The following UBTD2 variants were observed in gnomAD, a reference collection of about 807,000 sequenced individuals.
The protein encoded by UBTD2 is ubiquitin domain-containing protein 2.
Under a neutral mutation model 19.8 loss-of-function variants are expected in UBTD2, and 9 were observed. The ratio of observed to expected loss-of-function variants is 0.46; its 90% confidence interval spans 0.27 to 0.79. The LOEUF (loss-of-function observed/expected upper bound fraction) is 0.79, where lower values mean the gene tolerates loss of function less well. UBTD2 is among the 30% of genes least tolerant of loss of function. The probability of loss-of-function intolerance (pLI) is 0.14; values close to 1 mark genes in which losing one functional copy is unlikely to be tolerated. For missense variants in UBTD2, 250 were observed against 300.4 expected, an observed-to-expected ratio of 0.83 and a Z score of 1.24; for synonymous variants, 98 against 103.9, an observed-to-expected ratio of 0.94 and a Z score of 0.35.
intron 1 of UBTD2, among the ~76,000 whole-genome samples, chr5:172,263,851 C>CTCTGTGTGTGTGTG (rs1554129979): frequency 7.0e-6 from 1 of 142,224 alleles, no homozygotes; most frequent in East Asian, 2.1e-4. Context: ...GCACGTGCCT[C>CTCTGTGTGTGTGTG]TGTGTGTGTG....
intron 1 of UBTD2, among the ~76,000 whole-genome samples, chr5:172,263,427 CA>C (rs1755311763): frequency 6.6e-6 from 1 of 152,068 alleles, no homozygotes. Context: ...TCTCATAATA[CA>C]AAGCATGTAA....
intron 1 of UBTD2, among the ~76,000 whole-genome samples, chr5:172,259,764 A>C (rs78534210): frequency 0.059 from 8,911 of 152,080 alleles, 822 homozygotes; most frequent in African/African-American, 0.2. Flanking sequence ...CTGTATCAAC[A>C]GTAAATGGGC....
intron 1 of UBTD2, among the ~76,000 whole-genome samples, chr5:172,273,561 A>C (rs1368817102): frequency 7.1e-6 from 1 of 141,568 alleles, no homozygotes; most frequent in Non-Finnish European, 1.5e-5. Context: ...ACTGCGCTCC[A>C]GCCTGGGCGA....
chr5:172,256,599 A>T (rs1278337614), intron 1 of UBTD2, among the ~76,000 whole-genome samples: 2 of 146,864 alleles, frequency 1.4e-5, no homozygotes, highest in Non-Finnish European at 3.0e-5. Flanking sequence ...ACACTTTTTG[A>T]TATTTTTCTG....
At chr5:172,276,462 T>C (rs990026068) in intron 1 of UBTD2, among the ~76,000 whole-genome samples, 5 of 152,214 alleles carry the variant, frequency 3.3e-5, no homozygotes, top group Admixed American at 3.3e-4. Context: ...TTCCAAGCTT[T>C]ACTTCATAAC....
intron 1 of UBTD2, among the ~76,000 whole-genome samples, chr5:172,269,057 A>C (rs1755430913): frequency 6.6e-6 from 1 of 152,214 alleles, no homozygotes; most frequent in Non-Finnish European, 1.5e-5. Flanking sequence ...TAAGTGCAAA[A>C]AAAAGAGATA....
chr5:172,229,859 C>T (rs10491493), intron 2 of UBTD2, among the ~76,000 whole-genome samples: 49,225 of 151,900 alleles, frequency 0.32, 8,061 homozygotes, highest in South Asian at 0.42. Context: ...CTGTTTATAC[C>T]AATTTGGCAA....
intron 1 of UBTD2, among the ~76,000 whole-genome samples, chr5:172,282,377 C>T (rs2113150967): frequency 6.6e-6 from 1 of 152,214 alleles, no homozygotes; most frequent in African/African-American, 2.4e-5. Context: ...AAGTTATTTA[C>T]CCAGGATTTA....
At chr5:172,276,842 A>G (rs1400812329) in intron 1 of UBTD2, among the ~76,000 whole-genome samples, 1 of 151,998 alleles carries the variant, frequency 6.6e-6, no homozygotes, top group Non-Finnish European at 1.5e-5. Context: ...AGTCTGAGGC[A>G]GGGGATCACT....
intron 1 of UBTD2, among the ~76,000 whole-genome samples, chr5:172,267,658 A>G (rs1187810566): frequency 6.6e-6 from 1 of 152,236 alleles, no homozygotes; most frequent in South Asian, 2.1e-4. Flanking sequence ...AAAATCTCCT[A>G]CAGAACTTTA....
intron 1 of UBTD2, among the ~76,000 whole-genome samples, chr5:172,266,281 T>C (rs775601660): frequency 3.3e-5 from 5 of 152,146 alleles, no homozygotes; most frequent in Non-Finnish European, 7.4e-5. Context: ...ACGAAAGCCC[T>C]AAGATGGGAA....
chr5:172,250,517 C>G (rs1292329275), intron 1 of UBTD2, among the ~76,000 whole-genome samples: 1 of 151,938 alleles, frequency 6.6e-6, no homozygotes, highest in Non-Finnish European at 1.5e-5. Context: ...CTCAAAATGC[C>G]AACATCATGA....
At chr5:172,219,808 T>C (rs563330540) in intron 2 of UBTD2, among the ~76,000 whole-genome samples, 1 of 152,300 alleles carries the variant, frequency 6.6e-6, no homozygotes, top group African/African-American at 2.4e-5. Context: ...TGACAAGCGA[T>C]TAGTTCAGTT....
chr5:172,236,794 G>C (rs1026170417), intron 1 of UBTD2, among the ~76,000 whole-genome samples: 2 of 152,140 alleles, frequency 1.3e-5, no homozygotes, highest in East Asian at 1.9e-4. Context: ...CATTCTGAGA[G>C]AATTACAAAG....
intron 1 of UBTD2, among the ~76,000 whole-genome samples, chr5:172,243,179 G>C (rs943848927): frequency 7.1e-6 from 1 of 140,524 alleles, no homozygotes; most frequent in Non-Finnish European, 1.5e-5. Context: ...AACTTTTTTT[G>C]GGGAAAAATC....
At chr5:172,273,879 C>T (rs979436510) in intron 1 of UBTD2, among the ~76,000 whole-genome samples, 1 of 152,092 alleles carries the variant, frequency 6.6e-6, no homozygotes, top group Admixed American at 6.6e-5. Flanking sequence ...CAACCTATAT[C>T]TTCTTGCTGC....
intron 1 of UBTD2, among the ~76,000 whole-genome samples, chr5:172,251,236 C>G (rs1755006446): frequency 6.8e-6 from 1 of 147,922 alleles, no homozygotes; most frequent in Non-Finnish European, 1.5e-5. Flanking sequence ...GGAGAATGGC[C>G]TGAACCCAGG....
intron 1 of UBTD2, among the ~76,000 whole-genome samples, chr5:172,248,151 G>C (rs1160142397): frequency 6.6e-6 from 1 of 152,146 alleles, no homozygotes; most frequent in Non-Finnish European, 1.5e-5. Flanking sequence ...AAACTTATGA[G>C]ATGCAGTGAA....
intron 2 of UBTD2, among the ~76,000 whole-genome samples, chr5:172,213,266 C>T (rs1561847603): frequency 6.6e-6 from 1 of 152,172 alleles, no homozygotes; most frequent in East Asian, 1.9e-4. Flanking sequence ...GCTGAGATTA[C>T]AGGCATGAGC....
Sources: gnomAD v4.1 joint callset for allele counts (sites outside exome capture counted in the v4.1 genomes callset) on GRCh38, gnomAD v4.1.1 for gene constraint, MANE v1.5 for transcripts, NCBI Gene and HGNC (gene_info 2026-07-23, HGNC 2026-07-21) for gene names.